The following CTNND2 variants were observed in gnomAD, a reference collection of about 807,000 sequenced individuals.
CTNND2 encodes the protein catenin delta-2.
Under a neutral mutation model 144.4 loss-of-function variants are expected in CTNND2, and 22 were observed. That is an observed-to-expected ratio of 0.15 (90% CI 0.11 to 0.22). The LOEUF is 0.22. CTNND2 is among the 10% of genes least tolerant of loss of function. The pLI is 1.00. For missense variants in CTNND2, 1,353 were observed against 1,618.8 expected, an observed-to-expected ratio of 0.84 and a Z score of 2.82; for synonymous variants, 751 against 695.6, an observed-to-expected ratio of 1.08 and a Z score of -1.25.
intron 9 of CTNND2, among the ~76,000 whole-genome samples, chr5:11,302,054 G>C (rs28209): frequency 0.71 from 108,435 of 152,070 alleles, 41,921 homozygotes; most frequent in Middle Eastern, 0.91. Context: ...CTGGAGCTGA[G>C]AGGTAACTGT....
At chr5:11,571,302 T>G (rs893050096) in intron 2 of CTNND2, among the ~76,000 whole-genome samples, 3 of 152,130 alleles carry the variant, frequency 2.0e-5, no homozygotes, top group African/African-American at 7.2e-5. Context: ...CCAGCATGAG[T>G]GAGGCTTGTT....
At chr5:11,282,992 T>G (rs1043839092) in intron 9 of CTNND2, among the ~76,000 whole-genome samples, 6 of 152,144 alleles carry the variant, frequency 3.9e-5, no homozygotes, top group Admixed American at 2.6e-4. Context: ...ATTTACAAAT[T>G]AAGACCCTTC....
intron 3 of CTNND2, among the ~76,000 whole-genome samples, chr5:11,450,879 C>T (rs1765247329): frequency 1.0e-5 from 1 of 96,438 alleles, no homozygotes; most frequent in African/African-American, 4.2e-5. Flanking sequence ...GCTTGGGCAA[C>T]AACAGCGAAA....
intron 9 of CTNND2, among the ~76,000 whole-genome samples, chr5:11,275,678 A>T (rs1746449678): frequency 6.6e-6 from 1 of 152,188 alleles, no homozygotes; most frequent in African/African-American, 2.4e-5. Flanking sequence ...AACCTTTCTC[A>T]GTTCCCTGCT....
intron 9 of CTNND2, among the ~76,000 whole-genome samples, chr5:11,301,104 C>T (rs1355871376): frequency 2.0e-5 from 3 of 152,102 alleles, no homozygotes; most frequent in African/African-American, 4.8e-5. Context: ...GCAACCTCCA[C>T]CTCTGGGGTT....
At chr5:11,579,711 T>C (rs1233045179) in intron 2 of CTNND2, among the ~76,000 whole-genome samples, 1 of 152,296 alleles carries the variant, frequency 6.6e-6, no homozygotes, top group East Asian at 1.9e-4. Flanking sequence ...ATGTACAAAG[T>C]ATAACCTTAA....
chr5:11,006,823 C>A (rs71599557), intron 18 of CTNND2, among the ~76,000 whole-genome samples: 5 of 152,026 alleles, frequency 3.3e-5, no homozygotes, highest in African/African-American at 1.2e-4. Context: ...TCTCAAACAT[C>A]GTAAGATAGA....
intron 5 of CTNND2, among the ~76,000 whole-genome samples, chr5:11,405,129 C>T (rs552641993): frequency 6.6e-6 from 1 of 152,098 alleles, no homozygotes; most frequent in Non-Finnish European, 1.5e-5. Flanking sequence ...TATTTGTGTT[C>T]CGGGAATCTA....
At chr5:11,766,314 G>A (rs973460363) in intron 1 of CTNND2, among the ~76,000 whole-genome samples, 1 of 152,166 alleles carries the variant, frequency 6.6e-6, no homozygotes, top group Admixed American at 6.5e-5. Context: ...TGGTGATATG[G>A]TTTGGCTGTG....
intron 1 of CTNND2, among the ~76,000 whole-genome samples, chr5:11,778,713 T>C (rs1790386299): frequency 6.6e-6 from 1 of 152,142 alleles, no homozygotes; most frequent in Non-Finnish European, 1.5e-5. Flanking sequence ...GAATGGGATC[T>C]GGAAAAGGAA....
chr5:11,616,738 C>G (rs1272327784), intron 2 of CTNND2, among the ~76,000 whole-genome samples: 1 of 152,086 alleles, frequency 6.6e-6, no homozygotes, highest in East Asian at 1.9e-4. Context: ...TCCTGAGTAG[C>G]TGGGATTACA....
chr5:11,855,585 T>C (rs763832590), intron 1 of CTNND2, among the ~76,000 whole-genome samples: 3 of 152,172 alleles, frequency 2.0e-5, no homozygotes, highest in Non-Finnish European at 4.4e-5. Flanking sequence ...AAAAGGTATA[T>C]GAAATACACA....
Position 11,565,067 on chromosome 5 carries a change from C to T in CTNND2, c.175-11G>A, listed in dbSNP as rs1412853926. The T allele has an allele frequency of 6.3e-7, 1 of 1,593,846 alleles. No individual in the cohort carries two copies. The highest frequency in any genetic ancestry group is 1.1e-5 in the South Asian group (1 of 90,568). On this transcript the variant is annotated splice_polypyrimidine_tract_variant and intron_variant, in intron 2 of 21. Transcript: ENST00000304623. ...TTCAAACTGTAATTCCTGAAAGAAACCCATCAACAAGATCAATTCAATCAT... is the reference window on the plus strand; with the variant it reads ...TTCAAACTGTAATTCCTGAAAGAAATCCATCAACAAGATCAATTCAATCAT...
intron 16 of CTNND2, among the ~76,000 whole-genome samples, chr5:11,033,218 T>A (rs893551140): frequency 6.6e-6 from 1 of 152,208 alleles, no homozygotes; most frequent in Non-Finnish European, 1.5e-5. Flanking sequence ...CCTGGTTCAA[T>A]CCACAATGGA....
At chr5:11,521,563 A>C (rs985481285) in intron 3 of CTNND2, among the ~76,000 whole-genome samples, 2 of 152,226 alleles carry the variant, frequency 1.3e-5, no homozygotes, top group Non-Finnish European at 2.9e-5. Context: ...ATACATAGTC[A>C]ACATTTAACT....
At chr5:11,448,192 G>A (rs1404492111) in intron 3 of CTNND2, among the ~76,000 whole-genome samples, 2 of 152,142 alleles carry the variant, frequency 1.3e-5, no homozygotes, top group African/African-American at 4.8e-5. Flanking sequence ...TATACCAAAC[G>A]ATTTACACAA....
intron 11 of CTNND2, among the ~76,000 whole-genome samples, chr5:11,161,918 G>T (rs1027703004): frequency 6.6e-6 from 1 of 152,160 alleles, no homozygotes; most frequent in Non-Finnish European, 1.5e-5. Flanking sequence ...TTGGGAGGCT[G>T]AGGCAGGTGG....
chr5:11,091,111 T>A (rs2149652867), intron 15 of CTNND2, among the ~76,000 whole-genome samples: 1 of 152,276 alleles, frequency 6.6e-6, no homozygotes, highest in South Asian at 2.1e-4. Context: ...ATTCTCTTCC[T>A]CCTTTCTCTG....
chr5:11,686,573 G>A (rs968238494), intron 2 of CTNND2, among the ~76,000 whole-genome samples: 1 of 151,912 alleles, frequency 6.6e-6, no homozygotes, highest in Non-Finnish European at 1.5e-5. Flanking sequence ...CCAAAAAGGG[G>A]TTCTCAGTAG....
Sources: allele counts gnomAD v4.1 joint callset (sites outside exome capture counted in the v4.1 genomes callset), GRCh38; gene constraint gnomAD v4.1.1; transcripts MANE v1.5; gene names NCBI Gene and HGNC (gene_info 2026-07-23, HGNC 2026-07-21).